Variants in ITPKB observed in about 807,000 individuals in gnomAD.
ITPKB encodes inositol-trisphosphate 3-kinase B, also known as IP3 3-kinase B.
In ITPKB, 13 loss-of-function variants were observed where a neutral mutation model predicts 69.4. The ratio of observed to expected loss-of-function variants is 0.19; its 90% CI spans 0.12 to 0.30. ITPKB has a LOEUF of 0.30. ITPKB is among the 10% of genes least tolerant of loss of function. The probability of loss-of-function intolerance (pLI) is 1.00; values close to 1 mark genes in which losing one functional copy is unlikely to be tolerated. For synonymous variants in ITPKB, 584 were observed against 513.7 expected, an observed-to-expected ratio of 1.14 and a Z score of -1.85; for missense variants, 1,240 against 1,250.5, an observed-to-expected ratio of 0.99 and a Z score of 0.13.
Position 226,677,184 on chromosome 1 carries a change from A to T in ITPKB, c.1933-28413T>A, listed in dbSNP as rs185755918. Among the ~76,000 whole-genome samples the T allele has an allele frequency of 1.3e-3, 205 of 152,316 alleles. 1 individual carries two copies. Among genetic ancestry groups the T allele is most frequent in the South Asian group, 2.1e-4 (1 of 4,830 alleles). ...GCAGGAGTTTCCAGAACACACAAAG[A>T]CTTATTCTGCTCACAAGGATATTTA... On this transcript the variant is annotated intron_variant, in intron 2 of 7. Coordinates refer to ENST00000429204, the MANE Select transcript of ITPKB (RefSeq NM_002221.4).
chr1:226,636,750 CTCTGTGTGTG>C (rs1370769725), intron 7 of ITPKB, among the ~76,000 whole-genome samples: 19 of 121,370 alleles, frequency 1.6e-4, no homozygotes, highest in East Asian at 9.0e-4. Context: ...AGGACTGCAG[CTCTGTGTGTG>C]TGTGTGTGTG....
intron 2 of ITPKB, among the ~76,000 whole-genome samples, chr1:226,703,503 C>G (rs1656723975): frequency 6.6e-6 from 1 of 152,148 alleles, no homozygotes; most frequent in African/African-American, 2.4e-5. Context: ...CTGCCCGGCC[C>G]CCACCTCCTC....
chr1:226,657,337 A>C (rs1669312469), intron 2 of ITPKB: 1 of 152,224 alleles, frequency 6.6e-6, no homozygotes, highest in Non-Finnish European at 1.5e-5. Context: ...CATTTTCTAG[A>C]GGGGGTTTAC....
chr1:226,667,933 C>G (rs1242828807), intron 2 of ITPKB, among the ~76,000 whole-genome samples: 1 of 150,732 alleles, frequency 6.6e-6, no homozygotes, highest in Non-Finnish European at 1.5e-5. Context: ...AAAAAAGCAC[C>G]AACAGCACAG....
chr1:226,713,322 G>A (rs951128713), intron 2 of ITPKB, among the ~76,000 whole-genome samples: 3 of 152,178 alleles, frequency 2.0e-5, no homozygotes, highest in Admixed American at 6.5e-5. Flanking sequence ...ACCATGGGGC[G>A]AAACAGTTCA....
At chr1:226,675,938 C>G (rs1669722052) in intron 2 of ITPKB, among the ~76,000 whole-genome samples, 1 of 152,248 alleles carries the variant, frequency 6.6e-6, no homozygotes, top group South Asian at 2.1e-4. Context: ...GTAGAAGATC[C>G]CATAGTCTGG....
chr1:226,642,158 G>A lies in ITPKB; in HGVS notation c.2247-33C>T, dbSNP rs1407094397. 3 of 1,581,714 alleles carry A rather than the reference G, an allele frequency of 1.9e-6. No homozygotes were observed. In the African/African-American group the frequency reaches 4.0e-5, roughly 21 times the overall value. On this transcript the variant is annotated intron_variant, in intron 4 of 7. Transcript: ENST00000429204. The surrounding 1 kb of genome is among the most constrained non-coding windows in gnomAD (Gnocchi z 6.4). Reference sequence around the variant, plus strand: ...GGAGGGAAGGCGACATGAGGGCCGAGGCCTGGGGCAGGGCTCACCAGCAGC... The same window carrying A: ...GGAGGGAAGGCGACATGAGGGCCGAAGCCTGGGGCAGGGCTCACCAGCAGC...
intron 2 of ITPKB, among the ~76,000 whole-genome samples, chr1:226,723,170 C>T (rs1019981052): frequency 2.0e-5 from 3 of 152,070 alleles, no homozygotes; most frequent in Admixed American, 6.5e-5. Flanking sequence ...TCATCAGCTC[C>T]GTCCAGTCAC....
intron 2 of ITPKB, among the ~76,000 whole-genome samples, chr1:226,651,751 C>T (rs901537865): frequency 2.6e-5 from 4 of 152,162 alleles, no homozygotes; most frequent in African/African-American, 9.7e-5. Flanking sequence ...TTGGACCTCT[C>T]CCAGAGGCTA....
rs897634741 is a variant in ITPKB, at chr1:226,642,467, C to T, written c.2247-342G>A. 1.3e-5 allele frequency among the ~76,000 whole-genome samples: 2 copies of T among 152,070 alleles called. No individual in the cohort carries two copies. The highest frequency in any genetic ancestry group is 2.9e-5 in the Non-Finnish European group (2 of 68,008). On this transcript the variant is annotated intron_variant, in intron 4 of 7. Coordinates refer to ENST00000429204, the MANE Select transcript of ITPKB (RefSeq NM_002221.4). The surrounding 1 kb of genome is among the most constrained non-coding windows in gnomAD (Gnocchi z 6.4). ...TTACAGGTGTGCACCACCACCCAGC[C>T]TGGGGTTGGCTCTTGATCCAGGAGA...
At chr1:226,729,481 CAAA>C (rs1222337089) in intron 2 of ITPKB, among the ~76,000 whole-genome samples, 4 of 70,138 alleles carry the variant, frequency 5.7e-5, no homozygotes, top group Non-Finnish European at 5.6e-5. Flanking sequence ...GACTCCACCT[CAAA>C]AAAAAAAAAA....
intron 2 of ITPKB, among the ~76,000 whole-genome samples, chr1:226,671,045 G>C (rs1669605891): frequency 6.6e-6 from 1 of 152,170 alleles, no homozygotes; most frequent in Non-Finnish European, 1.5e-5. Context: ...TGAGAACACA[G>C]CACTCTCCAA....
At chr1:226,714,841 G>A (rs2102639635) in intron 2 of ITPKB, among the ~76,000 whole-genome samples, 1 of 152,350 alleles carries the variant, frequency 6.6e-6, no homozygotes, top group African/African-American at 2.4e-5. Flanking sequence ...GGGCACAAGA[G>A]CAGGCTCTAG....
At chr1:226,699,760 A>AAGAC (rs1313086487) in intron 2 of ITPKB, among the ~76,000 whole-genome samples, 1 of 152,238 alleles carries the variant, frequency 6.6e-6, no homozygotes, top group African/African-American at 2.4e-5. Flanking sequence ...AAAAGAAAGA[A>AAGAC]AGACAGACAA....
chr1:226,640,949 C>A (rs965924129), intron 5 of ITPKB, among the ~76,000 whole-genome samples: 1 of 152,182 alleles, frequency 6.6e-6, no homozygotes, highest in Non-Finnish European at 1.5e-5. Flanking sequence ...TCAGGACCAT[C>A]GGCTGCCCAA....
At chr1:226,675,494 T>G (rs964788441) in intron 2 of ITPKB, among the ~76,000 whole-genome samples, 1 of 152,058 alleles carries the variant, frequency 6.6e-6, no homozygotes, top group Non-Finnish European at 1.5e-5. Flanking sequence ...CAGGCTGAAC[T>G]TGCAAGGAGC....
At chr1:226,655,965 T>C (rs1466252230) in intron 2 of ITPKB, among the ~76,000 whole-genome samples, 1 of 152,088 alleles carries the variant, frequency 6.6e-6, no homozygotes, top group Non-Finnish European at 1.5e-5. Flanking sequence ...GCCTGTGGAG[T>C]TCTGCAGGCA....
In ITPKB at chr1:226,737,433, T is replaced by C. The variant is rs1370245190; in HGVS notation, c.26A>G (p.Asn9Ser). ...GGCGCTATTCATGATCACCAGGCTA[T>C]TGAGCGCATAGCAGTACACAGCCAT... MAVYCYALNSLVIMNSANE... is the reference protein window; with the variant it reads MAVYCYALSSLVIMNSANE... The change falls in exon 2 of 8, where the codon AAT (asparagine) becomes AGT (serine). Residue 9 changes from asparagine (N) to serine (S), a missense_variant. Transcript: ENST00000429204. 1.2e-6 allele frequency: 2 copies of C among 1,611,228 alleles called. No homozygotes were observed. Among genetic ancestry groups the C allele is most frequent in the Admixed American group, 1.7e-5 (1 of 59,980 alleles).
chr1:226,697,781 C>A (rs573823062), intron 2 of ITPKB, among the ~76,000 whole-genome samples: 1 of 152,292 alleles, frequency 6.6e-6, no homozygotes, highest in South Asian at 2.1e-4. Flanking sequence ...CTGCACCAAC[C>A]CAGAACTCTC....
Sources: allele counts gnomAD v4.1 joint callset (sites outside exome capture counted in the v4.1 genomes callset), GRCh38; gene constraint gnomAD v4.1.1; non-coding constraint Gnocchi (gnomAD v3.1); transcripts MANE v1.5; gene names NCBI Gene and HGNC (gene_info 2026-07-23, HGNC 2026-07-21).